AGAP1: variants seen among roughly 807,000 people sequenced by gnomAD.
AGAP1 encodes the protein ArfGAP with GTPase domain, ankyrin repeat and PH domain 1.
Under a neutral mutation model 105.3 loss-of-function variants are expected in AGAP1, and 29 were observed. The observed-to-expected ratio is 0.28, with a 90% CI of 0.21 to 0.38. The LOEUF is 0.38. Among genes scored for constraint, AGAP1 ranks in the 10% least tolerant of loss-of-function variants. The probability of loss-of-function intolerance (pLI) is 1.00; values close to 1 mark genes in which losing one functional copy is unlikely to be tolerated. For missense variants in AGAP1, 998 were observed against 1,165.1 expected (o/e 0.86, Z 2.09); for synonymous variants, 509 against 485.9 (o/e 1.05, Z -0.63).
Position 235,566,711 on chromosome 2 carries a change from C to G in AGAP1, c.163+71862C>G. The G allele has an allele frequency of 1.4e-6, 1 of 696,944 alleles. No individual in the cohort carries two copies. The highest frequency in any genetic ancestry group is 1.8e-6 in the Non-Finnish European group (1 of 566,686). 43.2% of individuals were successfully genotyped at this position (696,944 alleles called of 1,614,324 possible). ...GAGGAACACAGGATGCATATTCAGGCAGGAAGTTGTTGGGGTTAACATGAG... is the reference window on the plus strand; with the variant it reads ...GAGGAACACAGGATGCATATTCAGGGAGGAAGTTGTTGGGGTTAACATGAG... On this transcript the variant is annotated intron_variant, in intron 1 of 17. Coordinates refer to ENST00000304032, the MANE Select transcript of AGAP1 (RefSeq NM_001037131.3). This position sits in a 1 kb window ranked among gnomAD's most constrained non-coding sequence, Gnocchi z 5.2.
At chr2:235,520,253 G>A (rs1049175401) in intron 1 of AGAP1, among the ~76,000 whole-genome samples, 2 of 152,182 alleles carry the variant, frequency 1.3e-5, no homozygotes, top group African/African-American at 4.8e-5. Flanking sequence ...CACATTTCCA[G>A]TTGTCTCATG....
chr2:235,834,843 C>A (rs1332286943), intron 9 of AGAP1, among the ~76,000 whole-genome samples: 1 of 152,156 alleles, frequency 6.6e-6, no homozygotes, highest in Non-Finnish European at 1.5e-5. Flanking sequence ...AGGCTCGGGT[C>A]TAGTGGTGGA....
chr2:235,748,499 C>T (rs566122033), intron 5 of AGAP1, among the ~76,000 whole-genome samples: 7 of 152,228 alleles, frequency 4.6e-5, no homozygotes, highest in African/African-American at 1.7e-4. Flanking sequence ...GAAGGCAGGA[C>T]GAGGTGCCCT....
At position 235,494,124 on chromosome 2, in the gene AGAP1, C is replaced by T. The variant is rs1941201562; in HGVS notation, c.-563C>T. The T allele has an allele frequency of 6.9e-6, 1 of 144,580 alleles. No homozygotes were observed. The highest frequency in any genetic ancestry group is 1.5e-5 in the Non-Finnish European group (1 of 64,882). 9.0% of individuals were successfully genotyped at this position (144,580 alleles called of 1,614,324 possible). Reference sequence around the variant, plus strand: ...GCGGGCTCCGCGGCTTGCAAGGCGCCTGCGACTCGGTCCCAGGTCGGCGGG... The same window carrying T: ...GCGGGCTCCGCGGCTTGCAAGGCGCTTGCGACTCGGTCCCAGGTCGGCGGG... On this transcript the variant is annotated 5_prime_UTR_variant, in exon 1 of 18. Coordinates refer to ENST00000304032, the MANE Select transcript of AGAP1 (RefSeq NM_001037131.3).
chr2:235,590,141 A>G (rs1235383855), intron 1 of AGAP1, among the ~76,000 whole-genome samples: 2 of 152,156 alleles, frequency 1.3e-5, no homozygotes, highest in African/African-American at 4.8e-5. Flanking sequence ...TCGGCCTCCC[A>G]AAGTGCTGGG....
At chr2:235,594,034 A>G (rs1275914971) in intron 1 of AGAP1, among the ~76,000 whole-genome samples, 1 of 152,208 alleles carries the variant, frequency 6.6e-6, no homozygotes, top group Non-Finnish European at 1.5e-5. Flanking sequence ...TTGAGAGTAT[A>G]CATAAGTTTA....
At chr2:235,576,330 C>T (rs1046622501) in intron 1 of AGAP1, among the ~76,000 whole-genome samples, 8 of 152,196 alleles carry the variant, frequency 5.3e-5, no homozygotes, top group Admixed American at 2.6e-4. Flanking sequence ...AAGTTGTTAA[C>T]CTGGTTCACT....
At chr2:235,895,254 T>G (rs2050747146) in intron 10 of AGAP1, among the ~76,000 whole-genome samples, 1 of 152,166 alleles carries the variant, frequency 6.6e-6, no homozygotes, top group East Asian at 1.9e-4. Flanking sequence ...TTTCCCTCCT[T>G]TGAGTTCTTT....
intron 1 of AGAP1, among the ~76,000 whole-genome samples, chr2:235,558,521 C>T (rs1291004288): frequency 6.6e-6 from 1 of 152,176 alleles, no homozygotes; most frequent in African/African-American, 2.4e-5. Context: ...CATCCACTTC[C>T]TTTCCCTTTC....
rs990571876 is a variant in AGAP1, at chr2:235,750,165, C to T, written c.539-189C>T. Among the ~76,000 whole-genome samples, 2 of 152,184 alleles carry T rather than the reference C, an allele frequency of 1.3e-5. No individual in the cohort carries two copies. Among genetic ancestry groups the T allele is most frequent in the Admixed American group, 6.5e-5 (1 of 15,284 alleles). ...AGCGCTCCTGTAAAACAAATATCTA[C>T]GAATGAATAACTTTCTCTTGTGTTT... On this transcript the variant is annotated intron_variant, in intron 5 of 17. Transcript: ENST00000304032. This position sits in a 1 kb window ranked among gnomAD's most constrained non-coding sequence, Gnocchi z 5.3.
rs1232572792 is a variant in AGAP1, at chr2:235,623,232, T to A, written c.164-85947T>A. ...CTGAACGGATGGACTGTTTTGGAGA[T>A]TTATGCGTGTTCTGCAGGCTGACCT... On this transcript the variant is annotated intron_variant, in intron 1 of 17. Transcript: ENST00000304032. This position sits in a 1 kb window ranked among gnomAD's most constrained non-coding sequence, Gnocchi z 4.5. 6.6e-6 allele frequency among the ~76,000 whole-genome samples: 1 copy of A among 152,220 alleles called. No homozygotes were observed. Among genetic ancestry groups the A allele is most frequent in the African/African-American group, 2.4e-5 (1 of 41,442 alleles).
rs1175364016 is a variant in AGAP1, at chr2:235,787,470, A to G, written c.674-10289A>G. 6.6e-6 allele frequency among the ~76,000 whole-genome samples: 1 copy of G among 151,888 alleles called. No homozygotes were observed. The highest frequency in any genetic ancestry group is 2.4e-5 in the African/African-American group (1 of 41,416). On this transcript the variant is annotated intron_variant, in intron 6 of 17. Coordinates refer to ENST00000304032, the MANE Select transcript of AGAP1 (RefSeq NM_001037131.3). This position sits in a 1 kb window ranked among gnomAD's most constrained non-coding sequence, Gnocchi z 4.4. ...CACTTTCTATATCCCACATGCTGCCACTTATCTAACACATTGGGAGAGAAA... is the reference window on the plus strand; with the variant it reads ...CACTTTCTATATCCCACATGCTGCCGCTTATCTAACACATTGGGAGAGAAA...
rs79281608 is a variant in AGAP1, at chr2:236,002,498, C to T, written c.1645+33875C>T. ...ATTTTCTGACAAAAGAGACATGAAA[C>T]AAATATGTTAACAAGTAATGTTGCT... On this transcript the variant is annotated intron_variant, in intron 13 of 17. Coordinates refer to ENST00000304032, the MANE Select transcript of AGAP1 (RefSeq NM_001037131.3). The surrounding 1 kb of genome is among the most constrained non-coding windows in gnomAD (Gnocchi z 4.3). Among the ~76,000 whole-genome samples, 1 of 152,184 alleles carries T rather than the reference C, an allele frequency of 6.6e-6. No individual in the cohort carries two copies.
In AGAP1 at chr2:235,721,299, C is replaced by G. The variant is rs1027759264; in HGVS notation, c.310+3655C>G. On this transcript the variant is annotated intron_variant, in intron 3 of 17. Coordinates refer to ENST00000304032, the MANE Select transcript of AGAP1 (RefSeq NM_001037131.3). This position sits in a 1 kb window ranked among gnomAD's most constrained non-coding sequence, Gnocchi z 4.5. ...CTGGGATTACAGGCATGAGCCACCA[C>G]GTCCAGCCAAGACTTAGATAATTTT... Among the ~76,000 whole-genome samples the G allele has an allele frequency of 1.3e-5, 2 of 152,166 alleles. No homozygotes were observed. The highest frequency in any genetic ancestry group is 4.8e-5 in the African/African-American group (2 of 41,432).
Position 235,710,852 on chromosome 2 carries a change from A to G in AGAP1, c.222+1615A>G, listed in dbSNP as rs576102045. ...CACGGAACAGTAGTCACGGTGGTTT[A>G]CTGGTGGTGATGGTGTGGATACAGC... is the stretch of plus-strand genomic sequence containing the variant. On this transcript the variant is annotated intron_variant, in intron 2 of 17. Coordinates refer to ENST00000304032, the MANE Select transcript of AGAP1 (RefSeq NM_001037131.3). Among the ~76,000 whole-genome samples, 3 of 152,196 alleles carry G rather than the reference A, an allele frequency of 2.0e-5. No individual in the cohort carries two copies. The South Asian group carries it at 6.3e-4, about 32-fold the overall frequency.
At position 235,725,168 on chromosome 2, in the gene AGAP1, G is replaced by A. The variant is rs1035693199; in HGVS notation, c.310+7524G>A. 6.6e-6 allele frequency among the ~76,000 whole-genome samples: 1 copy of A among 152,178 alleles called. No individual in the cohort carries two copies. Among genetic ancestry groups the A allele is most frequent in the Non-Finnish European group, 1.5e-5 (1 of 68,040 alleles). On this transcript the variant is annotated intron_variant, in intron 3 of 17. Coordinates refer to ENST00000304032, the MANE Select transcript of AGAP1 (RefSeq NM_001037131.3). The surrounding 1 kb of genome is among the most constrained non-coding windows in gnomAD (Gnocchi z 5.7). ...TTCTGGCCTCCAGGGCCAGCTGGCTGTACAGCCACCTGCAAGTCTTTGTTC... is the reference window on the plus strand; with the variant it reads ...TTCTGGCCTCCAGGGCCAGCTGGCTATACAGCCACCTGCAAGTCTTTGTTC...
Position 235,919,010 on chromosome 2 carries a change from T to C in AGAP1, c.1324+10104T>C, listed in dbSNP as rs1468514896. Among the ~76,000 whole-genome samples, 3 of 152,214 alleles carry C rather than the reference T, an allele frequency of 2.0e-5. No homozygotes were observed. Among genetic ancestry groups the C allele is most frequent in the African/African-American group, 7.2e-5 (3 of 41,456 alleles). ...GTGCCTACAAGTAAATAAAAGGTGC[T>C]TCAAACACTTTTTTTCTCTCAAAAA... On this transcript the variant is annotated intron_variant, in intron 11 of 17. Transcript: ENST00000304032. This position sits in a 1 kb window ranked among gnomAD's most constrained non-coding sequence, Gnocchi z 4.1.
intron 1 of AGAP1, among the ~76,000 whole-genome samples, chr2:235,698,563 G>T (rs1390893669): frequency 6.6e-6 from 1 of 152,118 alleles, no homozygotes. Context: ...TTCATTTTAG[G>T]TGTTAAAATG....
Position 236,056,372 on chromosome 2 carries a change from T to C in AGAP1, c.2114+7091T>C, listed in dbSNP as rs929555615. 2.0e-5 allele frequency among the ~76,000 whole-genome samples: 3 copies of C among 152,190 alleles called. No individual in the cohort carries two copies. Among genetic ancestry groups the C allele is most frequent in the Non-Finnish European group, 2.9e-5 (2 of 68,042 alleles). ...AATCCTTATCATTTACGTTCTGAAA[T>C]ACGGCCGTCGTGACAATTAAGGAGT... On this transcript the variant is annotated intron_variant, in intron 16 of 17. Transcript: ENST00000304032. The surrounding 1 kb of genome is among the most constrained non-coding windows in gnomAD (Gnocchi z 4.6).
Sources: gnomAD v4.1 joint callset for allele counts (sites outside exome capture counted in the v4.1 genomes callset) on GRCh38, gnomAD v4.1.1 for gene constraint, Gnocchi (gnomAD v3.1) non-coding constraint, MANE v1.5 for transcripts, NCBI Gene and HGNC (gene_info 2026-07-23, HGNC 2026-07-21) for gene names.